TTN: variants seen among roughly 807,000 people sequenced by gnomAD.
TTN encodes the protein titin.
TTN carries 1,525 observed loss-of-function variants against 3,223.0 expected under a neutral mutation model. The ratio of observed to expected loss-of-function variants is 0.47; its 90% confidence interval spans 0.45 to 0.49. The LOEUF is 0.49. Among genes scored for constraint, TTN ranks in the 20% least tolerant of loss-of-function variants. The pLI is 0.00. For missense variants in TTN, 40,786 were observed against 43,424.0 expected, an observed-to-expected ratio of 0.94 and a Z score of 5.40; for synonymous variants, 14,094 against 15,161.0, an observed-to-expected ratio of 0.93 and a Z score of 5.17.
chr2:178,596,350 G>A (rs888021022), intron 294 of TTN, among the ~76,000 whole-genome samples: 1 of 151,988 alleles, frequency 6.6e-6, no homozygotes, highest in Non-Finnish European at 1.5e-5. Flanking sequence ...TTTAGTAGAG[G>A]CTGAAGGGAA....
At position 178,632,155 on chromosome 2, in the gene TTN, G is replaced by A; in HGVS notation, c.43739C>T (p.Thr14580Ile). ...AMGMSSEAKL[T>I]VLEGDPYFTG... The stretch of plus-strand genomic sequence containing the variant: ...ATTTAAAAAGCACTTACCAAGCACA[G>A]TGAGTTTAGCTTCTGAACTCATCCC... Residue 14580 changes from threonine (T) to isoleucine (I), a missense_variant, in exon 236 of 363, where the codon ACT becomes ATT. Coordinates refer to ENST00000589042, the MANE Select transcript of TTN (RefSeq NM_001267550.2). 6.3e-7 allele frequency: 1 copy of A among 1,594,890 alleles called. No individual in the cohort carries two copies. The highest frequency in any genetic ancestry group is 8.5e-7 in the Non-Finnish European group (1 of 1,170,350).
At position 178,728,306 on chromosome 2, in the gene TTN, A is replaced by G; in HGVS notation, c.19518T>C (p.Gly6506=). 1 of 1,613,188 alleles carries G rather than the reference A, an allele frequency of 6.2e-7. No individual in the cohort carries two copies. The highest frequency in any genetic ancestry group is 1.1e-5 in the South Asian group (1 of 91,052). Residue 6506 remains glycine (G), a synonymous_variant, in exon 67 of 363, where the codon GGT becomes GGC. Transcript: ENST00000589042. ...SSIHMECKVS[G]SLPISAQWFK... is the part of the protein sequence containing the mutation. Reference sequence around the variant, plus strand: ...ACCACTGAGCACTAATGGGAAGTGAACCAGACACCTTGCACTCCATATGAA... The same window carrying G: ...ACCACTGAGCACTAATGGGAAGTGAGCCAGACACCTTGCACTCCATATGAA...
chr2:178,678,097 A>G (rs753613048), intron 145 of TTN, 28 bp downstream of exon 145: 2 of 1,598,932 alleles, frequency 1.3e-6, no homozygotes, highest in African/African-American at 2.7e-5. Flanking sequence ...TTTGTCTTTT[A>G]CCATGGCTCT....
Position 178,618,506 on chromosome 2 carries a change from T to C in TTN, c.46967-15A>G. ...CCCAGGAACATCTGAAATTCACATATAGAGGAATTTTTTTAGTGTGCTGTC... is the reference window on the plus strand; with the variant it reads ...CCCAGGAACATCTGAAATTCACATACAGAGGAATTTTTTTAGTGTGCTGTC... On this transcript the variant is annotated splice_polypyrimidine_tract_variant and intron_variant, in intron 251 of 362. Transcript: ENST00000589042. 5.6e-6 allele frequency: 9 copies of C among 1,609,880 alleles called. No individual in the cohort carries two copies. Among genetic ancestry groups the C allele is most frequent in the East Asian group, 2.2e-5 (1 of 44,672 alleles).
At position 178,531,629 on chromosome 2, in the gene TTN, C is replaced by A. The variant is rs772718460; in HGVS notation, c.104986G>T (p.Val34996Phe). 4 of 1,613,896 alleles carry A rather than the reference C, an allele frequency of 2.5e-6. No individual in the cohort carries two copies. The highest frequency in any genetic ancestry group is 1.3e-5 in the African/African-American group (1 of 74,928). Residue 34996 changes from valine (V) to phenylalanine (F), a missense_variant, in exon 358 of 363, where the codon GTC becomes TTC. By Grantham distance (50) the Val-to-Phe change is conservative (BLOSUM62 -1). Coordinates refer to ENST00000589042, the MANE Select transcript of TTN (RefSeq NM_001267550.2). ...SKIHYTNTSGVLTLEILDCHT... is the reference protein window; with the variant it reads ...SKIHYTNTSGFLTLEILDCHT... ...CAGTCCAGAATTTCCAGGGTGAGGA[C>A]TCCACTCGTGTTGGTGTAATGAATC...
rs952110675 is a variant in TTN at position 178,630,200 on chromosome 2, A to C, written c.44281+41T>G. 3.1e-6 allele frequency: 5 copies of C among 1,609,380 alleles called. 1 individual carries two copies. The highest frequency in any genetic ancestry group is 1.7e-5 in the Admixed American group (1 of 59,352). ...TTTCACTCACATTCATTTTCTGAAAAAGTGTTTATTTAATTTCCCTGAAAA... is the reference window on the plus strand; with the variant it reads ...TTTCACTCACATTCATTTTCTGAAACAGTGTTTATTTAATTTCCCTGAAAA... On this transcript the variant is annotated intron_variant, in intron 239 of 362. Coordinates refer to ENST00000589042, the MANE Select transcript of TTN (RefSeq NM_001267550.2).
At chr2:178,672,602 A>G in intron 153 of TTN, 33 bp downstream of exon 153, 5 of 1,610,568 alleles carry the variant, frequency 3.1e-6, no homozygotes, top group Non-Finnish European at 4.2e-6. Flanking sequence ...AAAAAGACAG[A>G]AGAGGAAGTC....
rs1559151131 is a variant in TTN at position 178,546,684 on chromosome 2, A to C, written c.94744T>G (p.Phe31582Val). 8.7e-6 allele frequency: 14 copies of C among 1,613,758 alleles called. No individual in the cohort carries two copies. The highest frequency in any genetic ancestry group is 1.2e-5 in the Non-Finnish European group (14 of 1,179,744). ...TALSEGDTYE[F>V]RVLAKNAAGV... ...GCTGCATTCTTGGCTAACACACGGA[A>C]CTCATAAGTGTCTCCTTCACTGAGA... The change falls in exon 341 of 363, where the codon TTC becomes GTC. Residue 31582 changes from phenylalanine (F) to valine (V), a missense_variant. By Grantham distance (50) the Phe-to-Val change is conservative. Transcript: ENST00000589042.
intron 47 of TTN, chr2:178,747,729 C>T: frequency 6.2e-7 from 1 of 1,611,742 alleles, no homozygotes; most frequent in Admixed American, 1.7e-5. Context: ...TGTGCCTCAT[C>T]TAATTTAGGA....
At position 178,741,167 on chromosome 2, in the gene TTN, A is replaced by C. The variant is rs931245340; in HGVS notation, c.12066T>G (p.Cys4022Trp). ...CCAGAAGCACAAGCAGCTCTGCTGC[A>C]CAGGTGGACTCACCCAACATATTCT... ...KAENMLGESTCAAELLVLLED... is the reference protein window; with the variant it reads ...KAENMLGESTWAAELLVLLED... The change falls in exon 48 of 363, where the codon TGT becomes TGG. Residue 4022 changes from cysteine to tryptophan, a missense_variant. Transcript: ENST00000589042. 3.1e-6 allele frequency: 5 copies of C among 1,613,558 alleles called. No individual in the cohort carries two copies. In the Middle Eastern group the frequency reaches 5.0e-4, roughly 160 times the overall value.
chr2:178,727,860 G>A lies in TTN; in HGVS notation c.19718C>T (p.Pro6573Leu). The A allele has an allele frequency of 1.3e-6, 2 of 1,571,880 alleles. No individual in the cohort carries two copies. The highest frequency in any genetic ancestry group is 2.3e-5 in the East Asian group (1 of 44,418). The change falls in exon 68 of 363, where the codon CCA becomes CTA. Residue 6573 changes from proline to leucine, a missense_variant. Pro to Leu is a moderately conservative substitution (Grantham distance 98, BLOSUM62 -3). Transcript: ENST00000589042. The stretch of plus-strand genomic sequence containing the variant: ...CCCAGGTTTCACTAGGAAGCTTGGT[G>A]GTTCTATAGATTTTAAGAGAGATAT... ...ACSGILTVKE[P>L]PSFLVKPGRQ...
At chr2:178,789,839 C>G (rs1465710678) in intron 12 of TTN, 139 bp downstream of exon 12, 3 of 1,041,352 alleles carry the variant, frequency 2.9e-6, no homozygotes, top group Non-Finnish European at 4.3e-6. Flanking sequence ...GATAATCAGT[C>G]TCATATTTAC....
rs199689554 is a variant in TTN, at chr2:178,539,583, T to C, written c.98482A>G (p.Ile32828Val). 27 of 1,613,830 alleles carry C rather than the reference T, an allele frequency of 1.7e-5. No individual in the cohort carries two copies. The East Asian group carries it at 5.1e-4, about 31-fold the overall frequency. The change falls in exon 352 of 363, where the codon ATC (isoleucine) becomes GTC (valine). Residue 32828 changes from isoleucine (I) to valine (V), a missense_variant. Physicochemically the swap from Ile to Val is conservative, Grantham distance 29. Transcript: ENST00000589042. ...RPPADDGGAD[I>V]LGYILERREV... Reference sequence around the variant, plus strand: ...CGTCTCTCGAGGATGTAGCCTAAGATGTCAGCACCACCATCATCAGCAGGA... The same window carrying C: ...CGTCTCTCGAGGATGTAGCCTAAGACGTCAGCACCACCATCATCAGCAGGA...
chr2:178,539,685 C>G lies in TTN; in HGVS notation c.98380G>C (p.Gly32794Arg), dbSNP rs756971305. 6.2e-7 allele frequency: 1 copy of G among 1,613,604 alleles called. No individual in the cohort carries two copies. The highest frequency in any genetic ancestry group is 1.3e-5 in the African/African-American group (1 of 74,896). ...GGCCCTTCTGGACTGTTGGGACTTC[C>G]TATCACCCTGACCTTGATGTAGACA... Reference protein sequence around the residue: ...KAVYIKVRVIGSPNSPEGPLE... With the variant: ...KAVYIKVRVIRSPNSPEGPLE... The change falls in exon 352 of 363, where the codon GGA (glycine) becomes CGA (arginine). Residue 32794 changes from glycine to arginine, a missense_variant. Physicochemically the swap from Gly to Arg is moderately radical, Grantham distance 125. Transcript: ENST00000589042.
intron 52 of TTN, 26 bp downstream of exon 52, chr2:178,734,302 G>C: frequency 3.3e-6 from 5 of 1,534,168 alleles, no homozygotes; most frequent in Middle Eastern, 1.8e-4. Context: ...ATTTATTAAA[G>C]AGACATTAGT....
Position 178,748,601 on chromosome 2 carries a change from T to G in TTN, c.11311+4523A>C, listed in dbSNP as rs200760091. The G allele has an allele frequency of 7.9e-5, 128 of 1,613,126 alleles. No homozygotes were observed. Among genetic ancestry groups the G allele is most frequent in the East Asian group, 4.0e-4 (18 of 44,824 alleles). ...AGGATGTTGGATTTTAAAATAAGCT[T>G]CTTCTGGTTGACCACTATCTAATTC... On this transcript the variant is annotated intron_variant, in intron 47 of 362. Transcript: ENST00000589042.
rs1373317697 is a variant in TTN, at chr2:178,612,915, C to T, written c.49806G>A (p.Ala16602=). The T allele has an allele frequency of 1.3e-5, 21 of 1,612,488 alleles. No individual in the cohort carries two copies. In the East Asian group the frequency reaches 3.1e-4, roughly 24 times the overall value. The change falls in exon 265 of 363, where the codon GCG becomes GCA. Residue 16602 remains alanine (A), a synonymous_variant. Transcript: ENST00000589042. ...AGTGCTGAGTGGTGGGAACCCCTTC[C>T]GCCACTCTGACCCACTCATCTGTTC... ...KTGTDEWVRV[A]EGVPTTQHLL...
intron 92 of TTN, 131 bp downstream of exon 92, chr2:178,713,766 C>A (rs1393198981): frequency 2.5e-6 from 3 of 1,194,432 alleles, no homozygotes; most frequent in Non-Finnish European, 3.4e-6. Flanking sequence ...GGTATTGCCT[C>A]TGAATTTGCT....
chr2:178,562,155 T>C lies in TTN; in HGVS notation c.83977A>G (p.Thr27993Ala), dbSNP rs752491962. The change falls in exon 326 of 363, where the codon ACT becomes GCT. Residue 27993 changes from threonine to alanine, a missense_variant. Coordinates refer to ENST00000589042, the MANE Select transcript of TTN (RefSeq NM_001267550.2). ...TGACCATCTTTTCTCCAGTTCACAG[T>C]AGCTTGAGGTCTTCCTTTGAATGGC... ...DVPFKGRPQATVNWRKDGQTL... is the reference protein window; with the variant it reads ...DVPFKGRPQAAVNWRKDGQTL... 3 of 1,613,208 alleles carry C rather than the reference T, an allele frequency of 1.9e-6. No homozygotes were observed. Among genetic ancestry groups the C allele is most frequent in the African/African-American group, 1.3e-5 (1 of 75,026 alleles).
Sources: allele counts gnomAD v4.1 joint callset (sites outside exome capture counted in the v4.1 genomes callset), GRCh38; gene constraint gnomAD v4.1.1; transcripts MANE v1.5; gene names NCBI Gene and HGNC (gene_info 2026-07-23, HGNC 2026-07-21).